PIP5K1B: variants seen among roughly 807,000 people sequenced by gnomAD.
The protein encoded by PIP5K1B is phosphatidylinositol-4-phosphate 5-kinase type 1 beta, also known as phosphatidylinositol 4-phosphate 5-kinase type-1 beta.
In PIP5K1B, 42 loss-of-function variants were observed where a neutral mutation model predicts 67.0. The observed-to-expected ratio is 0.63, with a 90% CI of 0.49 to 0.81. The LOEUF is 0.81. Ranked by LOEUF, PIP5K1B falls within the 30% of genes least tolerant of loss-of-function variation. PIP5K1B has a pLI of 0.00. For synonymous variants in PIP5K1B, 214 were observed against 231.4 expected, an observed-to-expected ratio of 0.92 and a Z score of 0.68; for missense variants, 459 against 646.3, an observed-to-expected ratio of 0.71 and a Z score of 3.14.
At chr9:68,802,759 C>T (rs182128153) in intron 2 of PIP5K1B, among the ~76,000 whole-genome samples, 3 of 152,252 alleles carry the variant, frequency 2.0e-5, no homozygotes, top group African/African-American at 7.2e-5. Flanking sequence ...ATTCTGAGAG[C>T]TGACAGTCAT....
intron 2 of PIP5K1B, chr9:68,781,586 G>A (rs1043449649): frequency 6.0e-6 from 1 of 166,706 alleles, no homozygotes; most frequent in African/African-American, 2.4e-5. Context: ...GTGGATGGGA[G>A]GGGGAATGAT....
At chr9:68,977,986 C>T (rs1829711601) in intron 14 of PIP5K1B, among the ~76,000 whole-genome samples, 1 of 152,106 alleles carries the variant, frequency 6.6e-6, no homozygotes, top group African/African-American at 2.4e-5. Flanking sequence ...ATATATATCT[C>T]CTCAACTTTT....
At chr9:68,814,329 A>G (rs1192868845) in intron 2 of PIP5K1B, among the ~76,000 whole-genome samples, 1 of 152,238 alleles carries the variant, frequency 6.6e-6, no homozygotes, top group Non-Finnish European at 1.5e-5. Flanking sequence ...ATATGAGCAA[A>G]CCAGCAAAGA....
chr9:68,786,020 G>A (rs1475446697), intron 2 of PIP5K1B: 2 of 152,286 alleles, frequency 1.3e-5, no homozygotes, highest in Non-Finnish European at 2.9e-5. Flanking sequence ...TTTTATAGGT[G>A]ATAGCCCCCT....
intron 2 of PIP5K1B, among the ~76,000 whole-genome samples, chr9:68,804,911 T>C (rs868462557): frequency 1.1e-4 from 16 of 152,376 alleles, no homozygotes; most frequent in Admixed American, 2.6e-4. Context: ...AAGGAGTGTT[T>C]CATATGCATT....
In PIP5K1B at chr9:68,991,221, G is replaced by A. The variant is rs777108424; in HGVS notation, c.1584G>A (p.Val528=). Residue 528 remains valine (V), a synonymous_variant, in exon 15 of 16, where the codon GTG becomes GTA. Transcript: ENST00000265382. ...YLTAEPNTLE[V]QDDNASVLDV... ...CCGCTGAGCCCAACACTCTGGAAGT[G>A]CAGGATGACAATGCTTCTGTGCTTG... 5.0e-6 allele frequency: 8 copies of A among 1,610,054 alleles called. No individual in the cohort carries two copies. The East Asian group carries it at 1.1e-4, about 22-fold the overall frequency.
chr9:68,974,493 T>C (rs770894143), intron 14 of PIP5K1B, among the ~76,000 whole-genome samples: 12 of 152,198 alleles, frequency 7.9e-5, no homozygotes, highest in Non-Finnish European at 1.3e-4. Flanking sequence ...TGCCAGAGAT[T>C]ACTAAAGCTG....
chr9:68,818,914 A>G (rs1244621571), intron 3 of PIP5K1B, among the ~76,000 whole-genome samples: 3 of 152,246 alleles, frequency 2.0e-5, no homozygotes, highest in Admixed American at 6.5e-5. Context: ...TCATCTGTAG[A>G]TAATCACCAG....
At chr9:68,788,305 CT>C in intron 2 of PIP5K1B, 1 of 706,214 alleles carries the variant, frequency 1.4e-6, no homozygotes, top group Non-Finnish European at 2.4e-6. Context: ...CAGACTCTCC[CT>C]TCAGGTTCAA....
chr9:68,845,535 G>T (rs987068215), intron 4 of PIP5K1B, among the ~76,000 whole-genome samples: 1 of 152,182 alleles, frequency 6.6e-6, no homozygotes, highest in Admixed American at 6.5e-5. Context: ...TAATTTTAAA[G>T]GTTATGAGGA....
At chr9:68,947,442 G>A (rs539432831) in intron 14 of PIP5K1B, among the ~76,000 whole-genome samples, 16 of 152,312 alleles carry the variant, frequency 1.1e-4, no homozygotes, top group Admixed American at 8.5e-4. Flanking sequence ...TCCAACTCCT[G>A]CAATGCCTTG....
chr9:68,864,778 A>G (rs979291898), intron 5 of PIP5K1B, among the ~76,000 whole-genome samples: 1 of 152,232 alleles, frequency 6.6e-6, no homozygotes, highest in African/African-American at 2.4e-5. Flanking sequence ...AGAAAATAAA[A>G]ATAAAGATAT....
chr9:68,781,501 AC>A (rs1831274239), intron 2 of PIP5K1B: 1 of 169,738 alleles, frequency 5.9e-6, no homozygotes, highest in African/African-American at 2.4e-5. Context: ...TTAAAAAAAT[AC>A]GTTAGTTATA....
At chr9:68,761,315 A>G (rs1424335343) in intron 2 of PIP5K1B, among the ~76,000 whole-genome samples, 1 of 152,140 alleles carries the variant, frequency 6.6e-6, no homozygotes, top group Non-Finnish European at 1.5e-5. Flanking sequence ...AGAGAAGGCA[A>G]TGATCATTAA....
intron 2 of PIP5K1B, chr9:68,780,095 G>T (rs1831159577): frequency 2.7e-5 from 38 of 1,410,544 alleles, no homozygotes; most frequent in South Asian, 1.5e-4. Context: ...AGCGGCGGCG[G>T]CCCTGGACTG....
intron 4 of PIP5K1B, among the ~76,000 whole-genome samples, chr9:68,840,411 T>C (rs1419963303): frequency 2.0e-5 from 3 of 152,114 alleles, no homozygotes; most frequent in Admixed American, 2.0e-4. Flanking sequence ...TCACACTTGC[T>C]ATATGTATTA....
chr9:68,814,894 A>G (rs956653108), intron 2 of PIP5K1B, among the ~76,000 whole-genome samples: 1 of 152,202 alleles, frequency 6.6e-6, no homozygotes, highest in African/African-American at 2.4e-5. Context: ...GTATTTGTAT[A>G]TAGTGTTTAT....
chr9:68,861,075 T>C (rs758619817), intron 4 of PIP5K1B, among the ~76,000 whole-genome samples: 3 of 152,240 alleles, frequency 2.0e-5, no homozygotes, highest in Non-Finnish European at 2.9e-5. Flanking sequence ...TATTCATATA[T>C]CAAGTGCCTG....
At chr9:68,902,111 C>T (rs1825393758) in intron 8 of PIP5K1B, among the ~76,000 whole-genome samples, 1 of 152,124 alleles carries the variant, frequency 6.6e-6, no homozygotes. Flanking sequence ...CAGCTTTTTT[C>T]AGATTTCACC....
Sources: gnomAD v4.1 joint callset for allele counts (sites outside exome capture counted in the v4.1 genomes callset) on GRCh38, gnomAD v4.1.1 for gene constraint, MANE v1.5 for transcripts, NCBI Gene and HGNC (gene_info 2026-07-23, HGNC 2026-07-21) for gene names.